The following CYP19A1 variants were observed in gnomAD, a reference collection of about 807,000 sequenced individuals.
CYP19A1 encodes aromatase.
A neutral mutation model predicts 44.4 loss-of-function variants in CYP19A1; 32 were observed. The ratio of observed to expected loss-of-function variants is 0.72; its 90% CI spans 0.54 to 0.97. The LOEUF is 0.97. Among genes scored for constraint, CYP19A1 ranks in the 50% least tolerant of loss-of-function variants. The probability of loss-of-function intolerance (pLI) is 0.00; values close to 1 mark genes in which losing one functional copy is unlikely to be tolerated. For missense variants in CYP19A1, 598 were observed against 637.8 expected (o/e 0.94, Z 0.67); for synonymous variants, 212 against 215.6 (o/e 0.98, Z 0.14).
intron 1 of CYP19A1, among the ~76,000 whole-genome samples, chr15:51,302,649 T>A (rs1315297803): frequency 6.6e-6 from 1 of 152,188 alleles, no homozygotes; most frequent in Non-Finnish European, 1.5e-5. Context: ...AGCCTCAAAC[T>A]GAAGGTGTCT....
intron 1 of CYP19A1, among the ~76,000 whole-genome samples, chr15:51,250,062 T>C (rs2034245005): frequency 6.6e-6 from 1 of 152,208 alleles, no homozygotes; most frequent in African/African-American, 2.4e-5. Flanking sequence ...GTCCACCCTA[T>C]AGTTCCCATC....
intron 2 of CYP19A1, among the ~76,000 whole-genome samples, chr15:51,241,764 A>G (rs2033783346): frequency 6.6e-6 from 1 of 152,222 alleles, no homozygotes; most frequent in Non-Finnish European, 1.5e-5. Flanking sequence ...TAAACTGGGC[A>G]TTAAAGTAAT....
At position 51,223,589 on chromosome 15, in the gene CYP19A1, T is replaced by A. The variant is rs375873363; in HGVS notation, c.452-1064A>T. On this transcript the variant is annotated intron_variant, in intron 4 of 9. Transcript: ENST00000396402. The stretch of plus-strand genomic sequence containing the variant: ...CTCTCTTGCTCTCTCTCTCTCTCTC[T>A]CTCTCACACACACACACACACACAC... Among the ~76,000 whole-genome samples the A allele has an allele frequency of 2.7e-4, 18 of 66,174 alleles. No individual in the cohort carries two copies. The East Asian group carries it at 5.0e-3, about 18-fold the overall frequency. 43.4% of individuals were successfully genotyped at this position (66,174 alleles called of 152,430 possible).
intron 7 of CYP19A1, 83 bp from the exon 8 acceptor site, chr15:51,215,315 C>T: frequency 1.7e-5 from 27 of 1,582,138 alleles, no homozygotes; most frequent in Non-Finnish European, 2.3e-5. Context: ...CAAGGATCAA[C>T]AACCTCAACA....
At chr15:51,287,778 C>T (rs936307) in intron 1 of CYP19A1, among the ~76,000 whole-genome samples, 1 of 152,130 alleles carries the variant, frequency 6.6e-6, no homozygotes, top group South Asian at 2.1e-4. Flanking sequence ...GTACCACCTC[C>T]TTGGTGTCTG....
chr15:51,327,728 C>T (rs572134272), intron 1 of CYP19A1, among the ~76,000 whole-genome samples: 23 of 152,210 alleles, frequency 1.5e-4, no homozygotes, highest in Admixed American at 3.3e-4. Flanking sequence ...CTCAGTGTCC[C>T]TTCTTATAAC....
intron 1 of CYP19A1, among the ~76,000 whole-genome samples, chr15:51,297,674 A>G (rs1038846373): frequency 6.6e-6 from 1 of 151,920 alleles, no homozygotes; most frequent in African/African-American, 2.4e-5. Context: ...CTCAATGCCT[A>G]CTGCAGTAGG....
intron 1 of CYP19A1, among the ~76,000 whole-genome samples, chr15:51,279,688 A>C (rs2035448289): frequency 6.6e-6 from 1 of 152,188 alleles, no homozygotes; most frequent in Non-Finnish European, 1.5e-5. Flanking sequence ...TTTGTGGCTT[A>C]TATTTTGGGA....
chr15:51,215,137 C>T lies in CYP19A1; in HGVS notation c.954G>A (p.Met318Ile). The T allele has an allele frequency of 6.2e-7, 1 of 1,614,062 alleles. No individual in the cohort carries two copies. The highest frequency in any genetic ancestry group is 1.3e-5 in the African/African-American group (1 of 75,026). The change falls in exon 8 of 10, where the codon ATG becomes ATA. Residue 318 changes from methionine to isoleucine, a missense_variant. Coordinates refer to ENST00000396402, the MANE Select transcript of CYP19A1 (RefSeq NM_000103.4). The part of the protein sequence containing the change: ...PDTMSVSLFF[M>I]LFLIAKHPNV... The stretch of plus-strand genomic sequence containing the variant: ...TAGGGTGCTTTGCAATGAGAAATAG[C>T]ATGAAGAACAAAGAGACAGACATGG...
rs759563175 is a variant in CYP19A1, at chr15:51,212,475, C to T, written c.1108G>A (p.Val370Met). The change falls in exon 9 of 10, where the codon GTG becomes ATG. Residue 370 changes from valine (V) to methionine (M), a missense_variant. Val to Met is a conservative substitution (Grantham distance 21). Transcript: ENST00000396402. The part of the protein sequence containing the change: ...IYESMRYQPV[V>M]DLVMRKALED... The stretch of plus-strand genomic sequence containing the variant: ...AAGGCTTTGCGCATGACCAAGTCCA[C>T]GACAGGCTGGTACCGCATGCTCTCA... 6.8e-6 allele frequency: 11 copies of T among 1,606,590 alleles called. No individual in the cohort carries two copies. The highest frequency in any genetic ancestry group is 5.5e-5 in the South Asian group (5 of 90,908).
chr15:51,212,365 A>G lies in CYP19A1; in HGVS notation c.1218T>C (p.Phe406=), dbSNP rs2031082355. 51 of 1,600,478 alleles carry G rather than the reference A, an allele frequency of 3.2e-5. No individual in the cohort carries two copies. Among genetic ancestry groups the G allele is most frequent in the Non-Finnish European group, 3.8e-5 (44 of 1,167,640 alleles). The change falls in exon 9 of 10, where the codon TTT becomes TTC. Residue 406 remains phenylalanine, a synonymous_variant. Transcript: ENST00000396402. ...GAGTAAATTCATTGGGTTTGGGGAAAAACTCGAGTCTGTGCATCCTTCCAA... is the reference window on the plus strand; with the variant it reads ...GAGTAAATTCATTGGGTTTGGGGAAGAACTCGAGTCTGTGCATCCTTCCAA... ...LNIGRMHRLE[F]FPKPNEFTLE...
chr15:51,271,806 C>A (rs2035137515), intron 1 of CYP19A1, among the ~76,000 whole-genome samples: 1 of 152,308 alleles, frequency 6.6e-6, no homozygotes, highest in Non-Finnish European at 1.5e-5. Context: ...ATTATCCCCC[C>A]ATCAGGGTCA....
At chr15:51,252,008 C>A (rs571413923) in intron 1 of CYP19A1, among the ~76,000 whole-genome samples, 1 of 152,142 alleles carries the variant, frequency 6.6e-6, no homozygotes, top group African/African-American at 2.4e-5. Flanking sequence ...TCTTAGCTGC[C>A]CCTCCCCAGC....
intron 1 of CYP19A1, among the ~76,000 whole-genome samples, chr15:51,282,311 G>A (rs74013187): frequency 5.6e-4 from 85 of 152,322 alleles, no homozygotes; most frequent in African/African-American, 1.9e-3. Flanking sequence ...AATGTCCAGG[G>A]CTCAGTGCAT....
chr15:51,222,385 T>G lies in CYP19A1; in HGVS notation c.592A>C (p.Thr198Pro), dbSNP rs1485638572. Residue 198 changes from threonine to proline, a missense_variant, in exon 5 of 10, where the codon ACC becomes CCC. Coordinates refer to ENST00000396402, the MANE Select transcript of CYP19A1 (RefSeq NM_000103.4). ...ATCCTCAAGAAGAGCGTGTTAGAGG[T>G]GTCCAGCATGACACGACGCAGAAGG... is the stretch of plus-strand genomic sequence containing the variant. The part of the protein sequence containing the change: ...LTLLRRVMLD[T>P]SNTLFLRIPL... 1 of 1,613,918 alleles carries G rather than the reference T, an allele frequency of 6.2e-7. No homozygotes were observed. The highest frequency in any genetic ancestry group is 1.1e-5 in the South Asian group (1 of 91,070).
chr15:51,311,846 T>C (rs919207878), intron 1 of CYP19A1, among the ~76,000 whole-genome samples: 1 of 152,224 alleles, frequency 6.6e-6, no homozygotes, highest in Non-Finnish European at 1.5e-5. Context: ...CCAGTCTTTC[T>C]GCCTGGGCCT....
At chr15:51,322,231 T>C (rs944639592) in intron 1 of CYP19A1, among the ~76,000 whole-genome samples, 1 of 152,220 alleles carries the variant, frequency 6.6e-6, no homozygotes, top group African/African-American at 2.4e-5. Flanking sequence ...TGGAGATCTC[T>C]GCCCTTGTCA....
intron 1 of CYP19A1, among the ~76,000 whole-genome samples, chr15:51,284,944 GA>G (rs905129064): frequency 1.3e-5 from 2 of 152,200 alleles, no homozygotes; most frequent in African/African-American, 4.8e-5. Context: ...GAAGGTTTGA[GA>G]AGCCTCCATT....
intron 9 of CYP19A1, chr15:51,211,786 A>G (rs1187327792): frequency 9.3e-6 from 3 of 320,952 alleles, no homozygotes; most frequent in South Asian, 2.5e-5. Flanking sequence ...TGTAGTACAC[A>G]TCAATTATAA....
Sources: allele counts gnomAD v4.1 joint callset (sites outside exome capture counted in the v4.1 genomes callset), GRCh38; gene constraint gnomAD v4.1.1; transcripts MANE v1.5; gene names NCBI Gene and HGNC (gene_info 2026-07-23, HGNC 2026-07-21).